Variants in PARPBP observed in about 807,000 individuals in gnomAD.
PARPBP encodes PCNA-interacting partner.
Under a neutral mutation model 50.0 loss-of-function variants are expected in PARPBP, and 52 were observed. The ratio of observed to expected loss-of-function variants is 1.04; its 90% CI spans 0.83 to 1.31. PARPBP has a LOEUF of 1.31. PARPBP is among the 50% of genes most tolerant of loss of function. The pLI is 0.00. For missense variants in PARPBP, 697 were observed against 672.0 expected (o/e 1.04, Z -0.41); for synonymous variants, 244 against 232.1 (o/e 1.05, Z -0.47).
intron 9 of PARPBP, among the ~76,000 whole-genome samples, chr12:102,187,501 T>C (rs1019723787): frequency 6.6e-6 from 1 of 152,172 alleles, no homozygotes; most frequent in African/African-American, 2.4e-5. Flanking sequence ...ATTATCCAAA[T>C]GCTTTCCTTC....
Position 102,197,370 on chromosome 12 carries a change from G to T in PARPBP, c.*1079G>T. 1.2e-6 allele frequency: 1 copy of T among 816,296 alleles called. No individual in the cohort carries two copies. The highest frequency in any genetic ancestry group is 1.9e-6 in the Non-Finnish European group (1 of 524,932). The allele number at this position is 816,296 out of a possible 1,614,324, so 50.6% of individuals were successfully genotyped here. A position where few individuals can be genotyped will look rare whatever the true frequency, so the allele number is the denominator to read the frequency against. ...TTTGCTGGGATGGAAGAACTACCTG[G>T]CATGTAAGAAATATCGTCAGTCGTC... On this transcript the variant is annotated 3_prime_UTR_variant, in exon 11 of 11. Transcript: ENST00000327680.
rs535564573 is a variant in PARPBP, at chr12:102,195,296, T to G, written c.1264-16T>G. ...TGAATAAATTTGCATATTTTCTTCT[T>G]TCTTTCTGTTACTAGATGAAGCAAA... On this transcript the variant is annotated splice_polypyrimidine_tract_variant and intron_variant, in intron 9 of 10. Coordinates refer to ENST00000327680, the MANE Select transcript of PARPBP (RefSeq NM_017915.5). The G allele has an allele frequency of 6.9e-7, 1 of 1,459,576 alleles. No individual in the cohort carries two copies. Among genetic ancestry groups the G allele is most frequent in the South Asian group, 1.2e-5 (1 of 80,930 alleles). The allele number at this position is 1,459,576 out of a possible 1,614,324, so 90.4% of individuals were successfully genotyped here.
rs1488964276 is a variant in PARPBP, at chr12:102,142,977, TC to T, written c.154-5252del. Among the ~76,000 whole-genome samples the T allele has an allele frequency of 3.3e-5, 5 of 152,214 alleles. No homozygotes were observed. The South Asian group carries it at 6.2e-4, about 19-fold the overall frequency. On this transcript the variant is annotated intron_variant, in intron 2 of 10. Transcript: ENST00000327680. Reference sequence around the variant, plus strand: ...AGGAGGCAGTCTGTCCGTTCTCAGATCTCAAACTCCATGCTGGGAGAACCAC... The same window carrying T: ...AGGAGGCAGTCTGTCCGTTCTCAGATTCAAACTCCATGCTGGGAGAACCAC...
intron 3 of PARPBP, among the ~76,000 whole-genome samples, chr12:102,149,908 T>A (rs1264464316): frequency 6.6e-6 from 1 of 152,218 alleles, no homozygotes; most frequent in Non-Finnish European, 1.5e-5. Flanking sequence ...TTTCACATAG[T>A]TGATTTAGAG....
chr12:102,192,235 T>C (rs1189286193), intron 9 of PARPBP, among the ~76,000 whole-genome samples: 1 of 152,138 alleles, frequency 6.6e-6, no homozygotes, highest in Non-Finnish European at 1.5e-5. Context: ...TACATGTTAT[T>C]ACAATAATAA....
intron 8 of PARPBP, among the ~76,000 whole-genome samples, chr12:102,182,163 T>C (rs1889885023): frequency 6.6e-6 from 1 of 152,156 alleles, no homozygotes; most frequent in Non-Finnish European, 1.5e-5. Flanking sequence ...GCTAGCAATA[T>C]GTAGAACAAT....
chr12:102,144,505 G>T (rs761813794), intron 2 of PARPBP, among the ~76,000 whole-genome samples: 2 of 152,130 alleles, frequency 1.3e-5, no homozygotes, highest in Non-Finnish European at 2.9e-5. Flanking sequence ...CATGAAAACT[G>T]ATATCTGGAG....
In PARPBP at chr12:102,178,698, A is replaced by C. The variant is rs1475125870; in HGVS notation, c.1112A>C (p.Asn371Thr). The C allele has an allele frequency of 6.2e-7, 1 of 1,613,756 alleles. No homozygotes were observed. The highest frequency in any genetic ancestry group is 2.2e-5 in the East Asian group (1 of 44,850). The change falls in exon 8 of 11, where the codon AAC becomes ACC. Residue 371 changes from asparagine to threonine, a missense_variant. By Grantham distance (65) the Asn-to-Thr change is moderately conservative. Coordinates refer to ENST00000327680, the MANE Select transcript of PARPBP (RefSeq NM_017915.5). ...DEEAANAPTK[N>T]KAELLYDEEN... ...GAAGCAGCTAATGCTCCTACCAAAA[A>C]CAAAGCAGAGCTTTTATATGATGAG... is the stretch of plus-strand genomic sequence containing the variant.
At chr12:102,121,577 A>G (rs966516138) in intron 1 of PARPBP, among the ~76,000 whole-genome samples, 11 of 131,624 alleles carry the variant, frequency 8.4e-5, no homozygotes, top group Non-Finnish European at 1.6e-4. Context: ...TTTTTAAGAC[A>G]GAGTCTCACT....
chr12:102,127,049 T>G (rs966111318), intron 2 of PARPBP, among the ~76,000 whole-genome samples: 5 of 152,194 alleles, frequency 3.3e-5, no homozygotes, highest in Non-Finnish European at 5.9e-5. Context: ...AGGTTCCTTA[T>G]TTAAGTAGTT....
chr12:102,174,264 G>C (rs572885754), intron 6 of PARPBP, among the ~76,000 whole-genome samples: 1 of 151,894 alleles, frequency 6.6e-6, no homozygotes, highest in African/African-American at 2.4e-5. Flanking sequence ...ATGGGATCTG[G>C]AGTTGATGTT....
intron 3 of PARPBP, chr12:102,152,060 A>C: frequency 2.4e-6 from 1 of 411,202 alleles, no homozygotes; most frequent in Non-Finnish European, 4.4e-6. Context: ...TTTCTTCCTA[A>C]AAACCAAAGA....
In PARPBP at chr12:102,175,619, C is replaced by G. The variant is rs771967838; in HGVS notation, c.958C>G (p.Gln320Glu). ...DLRIKNIINS[Q>E]EGVVALSTTD... ...GAGGATTAAAAATATTATCAATTCT[C>G]AAGAAGGTGTTGTAGCTCTTAGCAC... is the stretch of plus-strand genomic sequence containing the variant. The change falls in exon 7 of 11, where the codon CAA becomes GAA. Residue 320 changes from glutamine (Q) to glutamate (E), a missense_variant. Coordinates refer to ENST00000327680, the MANE Select transcript of PARPBP (RefSeq NM_017915.5). The G allele has an allele frequency of 1.2e-6, 2 of 1,613,396 alleles. No individual in the cohort carries two copies. The highest frequency in any genetic ancestry group is 1.7e-6 in the Non-Finnish European group (2 of 1,179,558).
chr12:102,192,992 A>G (rs1175946172), intron 9 of PARPBP, among the ~76,000 whole-genome samples: 2 of 151,496 alleles, frequency 1.3e-5, no homozygotes, highest in Non-Finnish European at 2.9e-5. Context: ...TATAAATAAT[A>G]TTTTTCATGG....
At position 102,197,408 on chromosome 12, in the gene PARPBP, G is replaced by A. The variant is rs1193505891; in HGVS notation, c.*1117G>A. The stretch of plus-strand genomic sequence containing the variant: ...ATCGTCAGTCGTCCTAATGCATATT[G>A]TGACTGTTTGCATATACTTCTGTTT... On this transcript the variant is annotated 3_prime_UTR_variant, in exon 11 of 11. Transcript: ENST00000327680. The A allele has an allele frequency of 4.0e-6, 4 of 1,004,482 alleles. No homozygotes were observed. Among genetic ancestry groups the A allele is most frequent in the Admixed American group, 2.3e-5 (1 of 43,300 alleles). The allele number at this position is 1,004,482 out of a possible 1,614,324, so 62.2% of individuals were successfully genotyped here. A position where few individuals can be genotyped will look rare whatever the true frequency, so the allele number is the denominator to read the frequency against.
chr12:102,156,176 CTTTTT>C (rs869213784), intron 4 of PARPBP, among the ~76,000 whole-genome samples: 1,076 of 65,966 alleles, frequency 0.016, 10 homozygotes, highest in African/African-American at 0.06. Flanking sequence ...ATTAACCTTC[CTTTTT>C]TTTTTTTTTT....
At chr12:102,179,861 T>A (rs1361763390) in intron 8 of PARPBP, among the ~76,000 whole-genome samples, 1 of 152,238 alleles carries the variant, frequency 6.6e-6, no homozygotes, top group African/African-American at 2.4e-5. Context: ...ACAACCATTT[T>A]AAATTGTATT....
At chr12:102,131,184 G>A (rs1373145004) in intron 2 of PARPBP, among the ~76,000 whole-genome samples, 1 of 152,158 alleles carries the variant, frequency 6.6e-6, no homozygotes, top group Admixed American at 6.5e-5. Flanking sequence ...AATTAGCCGG[G>A]TGTGGTGGCA....
intron 2 of PARPBP, among the ~76,000 whole-genome samples, chr12:102,142,550 T>C (rs1343494870): frequency 6.6e-6 from 1 of 152,200 alleles, no homozygotes; most frequent in Non-Finnish European, 1.5e-5. Context: ...CTGCATTCCT[T>C]TGGAGGAGAA....
Sources: allele counts gnomAD v4.1 joint callset (sites outside exome capture counted in the v4.1 genomes callset), GRCh38; gene constraint gnomAD v4.1.1; transcripts MANE v1.5; gene names NCBI Gene and HGNC (gene_info 2026-07-23, HGNC 2026-07-21).